The following SCRN1 variants were observed in gnomAD, a reference collection of about 807,000 sequenced individuals.
SCRN1 encodes the protein secernin 1.
A neutral mutation model predicts 43.3 loss-of-function variants in SCRN1; 19 were observed. That is an observed-to-expected ratio of 0.44 (90% confidence interval 0.31 to 0.64). SCRN1 has a LOEUF of 0.64. Among genes scored for constraint, SCRN1 ranks in the 30% least tolerant of loss-of-function variants. The pLI is 0.09. For synonymous variants in SCRN1, 183 were observed against 188.9 expected (o/e 0.97, Z 0.26); for missense variants, 447 against 524.1 (o/e 0.85, Z 1.44).
intron 3 of SCRN1, among the ~76,000 whole-genome samples, chr7:29,954,420 G>A (rs1788060983): frequency 6.6e-6 from 1 of 151,946 alleles, no homozygotes; most frequent in African/African-American, 2.4e-5. Context: ...ACAAAGTTGT[G>A]CAGCCATCAC....
chr7:29,979,111 T>C (rs1009195620), intron 1 of SCRN1, among the ~76,000 whole-genome samples: 4 of 152,218 alleles, frequency 2.6e-5, no homozygotes, highest in Non-Finnish European at 5.9e-5. Flanking sequence ...ACGCCTGTAA[T>C]CCCAGCACTT....
At position 29,989,657 on chromosome 7, in the gene SCRN1, C is replaced by A; in HGVS notation, c.-17G>T. On this transcript the variant is annotated 5_prime_UTR_variant, in exon 1 of 8. Coordinates refer to ENST00000242059, the MANE Select transcript of SCRN1 (RefSeq NM_014766.5). ...CGCGGCTCACCTGGGGCGGCGGGCT[C>A]CGGGCTCCGCTCTCCGCTCTGCGGT... 3 of 985,656 alleles carry A rather than the reference C, an allele frequency of 3.0e-6. No homozygotes were observed. Among genetic ancestry groups the A allele is most frequent in the Non-Finnish European group, 3.6e-6 (3 of 830,112 alleles). The allele number at this position is 985,656 out of a possible 1,614,324, so 61.1% of individuals were successfully genotyped here.
upstream of SCRN1, chr7:29,990,094 C>A (rs1789320244): frequency 6.5e-7 from 1 of 1,545,570 alleles, no homozygotes; most frequent in African/African-American, 1.4e-5. Flanking sequence ...GCCCAGCATC[C>A]TTTTGGCGCC....
chr7:29,941,623 T>G (rs962914728), intron 4 of SCRN1, among the ~76,000 whole-genome samples: 6 of 152,216 alleles, frequency 3.9e-5, no homozygotes, highest in Admixed American at 2.6e-4. Context: ...GGGAAATTTT[T>G]TCTTATAAAA....
intron 2 of SCRN1, among the ~76,000 whole-genome samples, chr7:29,961,688 C>T (rs1480710878): frequency 6.6e-6 from 1 of 151,926 alleles, no homozygotes; most frequent in Non-Finnish European, 1.5e-5. Flanking sequence ...GGCGGCTGGC[C>T]GGGCAGAGGG....
chr7:29,938,390 G>A (rs1787413647), intron 5 of SCRN1, among the ~76,000 whole-genome samples: 1 of 152,184 alleles, frequency 6.6e-6, no homozygotes, highest in East Asian at 1.9e-4. Context: ...TGTAAGCTTT[G>A]CAGATGGCAT....
chr7:29,941,723 TCTC>T, intron 4 of SCRN1, among the ~76,000 whole-genome samples: 1 of 152,328 alleles, frequency 6.6e-6, no homozygotes, highest in African/African-American at 2.4e-5. Flanking sequence ...GACCAGAAAC[TCTC>T]CTACCAGCTG....
chr7:29,928,029 G>A (rs1787026939), intron 6 of SCRN1, among the ~76,000 whole-genome samples: 1 of 152,110 alleles, frequency 6.6e-6, no homozygotes, highest in Admixed American at 6.5e-5. Context: ...AGGTTGAGGT[G>A]GAAGAGTCGC....
At chr7:29,955,733 T>C (rs1179447605) in intron 2 of SCRN1, among the ~76,000 whole-genome samples, 1 of 152,176 alleles carries the variant, frequency 6.6e-6, no homozygotes, top group Non-Finnish European at 1.5e-5. Flanking sequence ...AAACTTCACC[T>C]AGAAGCCTAA....
chr7:29,953,671 A>T (rs1052237694), intron 3 of SCRN1, among the ~76,000 whole-genome samples: 1 of 152,150 alleles, frequency 6.6e-6, no homozygotes, highest in Non-Finnish European at 1.5e-5. Context: ...TCCTGAGTTT[A>T]TAAGAATGAG....
intron 2 of SCRN1, among the ~76,000 whole-genome samples, chr7:29,962,560 T>C (rs1374242208): frequency 6.6e-6 from 1 of 152,022 alleles, no homozygotes; most frequent in Non-Finnish European, 1.5e-5. Context: ...TGGTGGCACA[T>C]GCCTGTAATC....
intron 3 of SCRN1, among the ~76,000 whole-genome samples, chr7:29,949,067 G>T (rs1369737818): frequency 1.3e-5 from 2 of 152,240 alleles, no homozygotes; most frequent in Non-Finnish European, 2.9e-5. Flanking sequence ...TGTAATCCTA[G>T]CACTTTGGGA....
intron 1 of SCRN1, among the ~76,000 whole-genome samples, chr7:29,974,552 T>C (rs1788750549): frequency 6.6e-6 from 1 of 152,210 alleles, no homozygotes; most frequent in Non-Finnish European, 1.5e-5. Context: ...TCTCTTCCTA[T>C]TATCTGTCAA....
chr7:29,970,762 G>A (rs1462846313), intron 1 of SCRN1, among the ~76,000 whole-genome samples: 1 of 152,122 alleles, frequency 6.6e-6, no homozygotes, highest in Non-Finnish European at 1.5e-5. Flanking sequence ...CCATGCCTCT[G>A]CACCTGGCTT....
intron 6 of SCRN1, among the ~76,000 whole-genome samples, chr7:29,929,072 T>C (rs1583649234): frequency 6.6e-6 from 1 of 152,300 alleles, no homozygotes; most frequent in South Asian, 2.1e-4. Context: ...ACAGGCGTCC[T>C]ACCCTTGAGG....
Position 29,936,612 on chromosome 7 carries a change from C to T in SCRN1, c.849G>A (p.Pro283=), listed in dbSNP as rs371050417. ...LTTASGVSVL[P]QNRSSPCIHY... ...GAATGCACGGAGAGCTTCTATTCTG[C>T]GGCAGGACAGACACTCCACTGGCTG... Residue 283 remains proline (P), a synonymous_variant, in exon 6 of 8, where the codon CCG becomes CCA. Coordinates refer to ENST00000242059, the MANE Select transcript of SCRN1 (RefSeq NM_014766.5). The T allele has an allele frequency of 7.1e-5, 114 of 1,606,168 alleles. No individual in the cohort carries two copies. Among genetic ancestry groups the T allele is most frequent in the East Asian group, 2.2e-4 (10 of 44,680 alleles).
At chr7:29,958,153 T>C (rs1788198317) in intron 2 of SCRN1, among the ~76,000 whole-genome samples, 1 of 152,148 alleles carries the variant, frequency 6.6e-6, no homozygotes, top group Non-Finnish European at 1.5e-5. Flanking sequence ...ACATGCCCCT[T>C]GCTGCATCTT....
chr7:29,936,111 C>T (rs189328933), intron 6 of SCRN1, among the ~76,000 whole-genome samples: 310 of 152,240 alleles, frequency 2.0e-3, no homozygotes, highest in African/African-American at 6.7e-3. Context: ...GTATTGCCTC[C>T]GAACTGTTTT....
At chr7:29,933,587 C>T (rs1038943339) in intron 6 of SCRN1, among the ~76,000 whole-genome samples, 5 of 152,176 alleles carry the variant, frequency 3.3e-5, no homozygotes, top group Admixed American at 1.3e-4. Flanking sequence ...GACTGTGGCA[C>T]ACATGTTGAT....
Sources: allele counts gnomAD v4.1 joint callset (sites outside exome capture counted in the v4.1 genomes callset), GRCh38; gene constraint gnomAD v4.1.1; transcripts MANE v1.5; gene names NCBI Gene and HGNC (gene_info 2026-07-23, HGNC 2026-07-21).